Variants in PTPRT observed in about 807,000 individuals in gnomAD.
PTPRT encodes the protein protein tyrosine phosphatase receptor type T, also known as receptor-type tyrosine-protein phosphatase T.
In PTPRT, 56 loss-of-function variants were observed where a neutral mutation model predicts 176.8. The ratio of observed to expected loss-of-function variants is 0.32; its 90% CI spans 0.26 to 0.40. The LOEUF is 0.40. Ranked by LOEUF, PTPRT falls within the 10% of genes least tolerant of loss-of-function variation. The pLI is 1.00. For synonymous variants in PTPRT, 783 were observed against 739.0 expected (o/e 1.06, Z -0.96); for missense variants, 1,540 against 1,908.2 (o/e 0.81, Z 3.60).
intron 1 of PTPRT, among the ~76,000 whole-genome samples, chr20:43,069,577 A>G (rs1306741501): frequency 6.6e-6 from 1 of 152,234 alleles, no homozygotes; most frequent in Non-Finnish European, 1.5e-5. Context: ...AGAGGTAAGC[A>G]CCATGGAGGA....
At chr20:42,251,127 C>T (rs183569628) in intron 13 of PTPRT, among the ~76,000 whole-genome samples, 2 of 152,312 alleles carry the variant, frequency 1.3e-5, no homozygotes, top group African/African-American at 4.8e-5. Context: ...ATCCAAATTT[C>T]CTCAATATTG....
At chr20:42,072,162 C>G (rs1012685150), downstream of PTPRT, among the ~76,000 whole-genome samples, 2 of 152,174 alleles carry the variant, frequency 1.3e-5, no homozygotes, top group African/African-American at 4.8e-5. Flanking sequence ...AGCATATGCA[C>G]AGGCTACCTT....
intron 9 of PTPRT, among the ~76,000 whole-genome samples, chr20:42,446,349 A>G (rs1287133999): frequency 1.3e-5 from 2 of 152,124 alleles, no homozygotes; most frequent in Admixed American, 6.5e-5. Context: ...TATTTTTGGA[A>G]TTATGTCTTT....
intron 7 of PTPRT, among the ~76,000 whole-genome samples, chr20:42,529,966 G>T (rs112489260): frequency 6.6e-6 from 1 of 151,632 alleles, no homozygotes; most frequent in Non-Finnish European, 1.5e-5. Context: ...TTAACTCATC[G>T]CCTTCTCCCA....
intron 15 of PTPRT, among the ~76,000 whole-genome samples, chr20:42,207,411 G>A (rs1274761338): frequency 8.1e-6 from 1 of 123,976 alleles, no homozygotes; most frequent in Non-Finnish European, 1.7e-5. Flanking sequence ...TTAGAAGAAT[G>A]TATAACTAGA....
intron 7 of PTPRT, among the ~76,000 whole-genome samples, chr20:42,603,736 T>C (rs1239338498): frequency 1.3e-5 from 2 of 152,164 alleles, no homozygotes; most frequent in Non-Finnish European, 2.9e-5. Flanking sequence ...TGATAAATGT[T>C]AGACCTCAAA....
At chr20:42,217,150 G>T (rs928836666) in intron 15 of PTPRT, among the ~76,000 whole-genome samples, 5 of 152,050 alleles carry the variant, frequency 3.3e-5, no homozygotes, top group African/African-American at 1.2e-4. Context: ...GAGGCAGGTG[G>T]ATCACCTGAG....
At chr20:42,039,634 A>G in the PTPRT span, among the ~76,000 whole-genome samples, 11 of 144,370 alleles carry the variant, frequency 7.6e-5, no homozygotes, top group African/African-American at 2.5e-5. Flanking sequence ...AGGTTCATCT[A>G]TGTTATTTCA....
intron 2 of PTPRT, among the ~76,000 whole-genome samples, chr20:42,865,992 C>G (rs1260020161): frequency 6.6e-6 from 1 of 152,160 alleles, no homozygotes; most frequent in Non-Finnish European, 1.5e-5. Context: ...TGGCCTTGAC[C>G]CCTTTCCTAG....
At chr20:43,020,989 G>A (rs944264541) in intron 1 of PTPRT, among the ~76,000 whole-genome samples, 7 of 152,022 alleles carry the variant, frequency 4.6e-5, no homozygotes, top group African/African-American at 1.7e-4. Context: ...AAGATGACTG[G>A]AGACACTCCA....
intron 9 of PTPRT, among the ~76,000 whole-genome samples, chr20:42,425,160 G>T (rs2059151706): frequency 6.6e-6 from 1 of 151,996 alleles, no homozygotes; most frequent in South Asian, 2.1e-4. Flanking sequence ...AGATGTCTGG[G>T]AAACATTGAT....
At chr20:42,856,924 G>T (rs557736651) in intron 2 of PTPRT, among the ~76,000 whole-genome samples, 108 of 152,248 alleles carry the variant, frequency 7.1e-4, no homozygotes, top group Non-Finnish European at 1.4e-3. Context: ...AACAGCTGGG[G>T]TGCAGTAAAA....
intron 7 of PTPRT, among the ~76,000 whole-genome samples, chr20:42,670,016 G>A (rs930519803): frequency 2.0e-5 from 3 of 151,924 alleles, no homozygotes; most frequent in African/African-American, 2.4e-5. Flanking sequence ...ACAGCTACAC[G>A]TCGAGGACTC....
intron 1 of PTPRT, among the ~76,000 whole-genome samples, chr20:43,021,684 A>G (rs1345089697): frequency 5.3e-5 from 8 of 152,154 alleles, no homozygotes. Context: ...AGGTATTCAG[A>G]TCACTGAAGC....
intron 17 of PTPRT, among the ~76,000 whole-genome samples, chr20:42,149,336 G>A (rs942710662): frequency 5.3e-5 from 8 of 152,092 alleles, no homozygotes; most frequent in African/African-American, 1.4e-4. Flanking sequence ...GATTTGGCTT[G>A]GGGTTGGGGC....
In PTPRT at chr20:42,508,032, G is replaced by A. The variant is rs191766347; in HGVS notation, c.1154-35470C>T. Among the ~76,000 whole-genome samples, 671 of 151,730 alleles carry A rather than the reference G, an allele frequency of 4.4e-3. 10 individuals carry two copies. The highest frequency in any genetic ancestry group is 0.016 in the African/African-American group (644 of 41,254). Reference sequence around the variant, plus strand: ...ATGCTTTTATCTTTAATCATCAAATGGCTTAATAGCATGCATTGTATTCCC... The same window carrying A: ...ATGCTTTTATCTTTAATCATCAAATAGCTTAATAGCATGCATTGTATTCCC... On this transcript the variant is annotated intron_variant, in intron 7 of 30. Transcript: ENST00000373187.
At chr20:43,012,375 G>C (rs1985172709) in intron 1 of PTPRT, among the ~76,000 whole-genome samples, 2 of 152,166 alleles carry the variant, frequency 1.3e-5, no homozygotes, top group African/African-American at 4.8e-5. Flanking sequence ...ACCTAGAGTA[G>C]TCAAATTTAC....
chr20:42,114,373 T>C (rs1477289466), intron 22 of PTPRT, among the ~76,000 whole-genome samples: 3 of 152,238 alleles, frequency 2.0e-5, no homozygotes, highest in African/African-American at 7.2e-5. Flanking sequence ...GAAAAGTACC[T>C]GGTCCAGTAA....
intron 6 of PTPRT, among the ~76,000 whole-genome samples, chr20:42,716,062 T>C (rs907716671): frequency 5.3e-5 from 8 of 152,186 alleles, no homozygotes; most frequent in African/African-American, 1.9e-4. Context: ...ACTTCTGTTG[T>C]AAGAATCTTC....
Sources: allele counts gnomAD v4.1 joint callset (sites outside exome capture counted in the v4.1 genomes callset), GRCh38; gene constraint gnomAD v4.1.1; transcripts MANE v1.5; gene names NCBI Gene and HGNC (gene_info 2026-07-23, HGNC 2026-07-21).